PDE4B: variants seen among roughly 807,000 people sequenced by gnomAD.
The protein encoded by PDE4B is phosphodiesterase 4B.
Under a neutral mutation model 82.2 loss-of-function variants are expected in PDE4B, and 20 were observed. The ratio of observed to expected loss-of-function variants is 0.24; its 90% CI spans 0.17 to 0.35. PDE4B has a LOEUF of 0.35. Ranked by LOEUF, PDE4B falls within the 10% of genes least tolerant of loss-of-function variation. The probability of loss-of-function intolerance (pLI) is 1.00; values close to 1 mark genes in which losing one functional copy is unlikely to be tolerated. For synonymous variants in PDE4B, 320 were observed against 318.9 expected (o/e 1.00, Z -0.04); for missense variants, 655 against 907.2 (o/e 0.72, Z 3.57).
chr1:66,294,842 C>T (rs944794236), intron 7 of PDE4B, among the ~76,000 whole-genome samples: 1 of 151,974 alleles, frequency 6.6e-6, no homozygotes, highest in Non-Finnish European at 1.5e-5. Flanking sequence ...GAAAATCTCT[C>T]AGTAAAAGAA....
intron 1 of PDE4B, among the ~76,000 whole-genome samples, chr1:65,897,198 A>G (rs1646920168): frequency 6.6e-6 from 1 of 152,136 alleles, no homozygotes; most frequent in Non-Finnish European, 1.5e-5. Context: ...CACAGTTACT[A>G]TGGACAGAAT....
At chr1:65,947,781 T>G (rs963119612) in intron 3 of PDE4B, among the ~76,000 whole-genome samples, 1 of 151,872 alleles carries the variant, frequency 6.6e-6, no homozygotes, top group Admixed American at 6.6e-5. Flanking sequence ...GAATCCTCCT[T>G]CTAAGACTTT....
At chr1:65,917,209 C>A (rs774817708) in intron 2 of PDE4B, among the ~76,000 whole-genome samples, 3 of 152,108 alleles carry the variant, frequency 2.0e-5, no homozygotes, top group Non-Finnish European at 4.4e-5. Flanking sequence ...TTGAATTAAC[C>A]CAGCTAGATC....
intron 3 of PDE4B, among the ~76,000 whole-genome samples, chr1:66,189,576 ATT>A (rs1268157095): frequency 6.6e-6 from 1 of 151,834 alleles, no homozygotes; most frequent in East Asian, 1.9e-4. Flanking sequence ...GCTTCATTTC[ATT>A]CATTTGATCT....
At chr1:65,863,516 AG>A (rs1646477819) in intron 1 of PDE4B, among the ~76,000 whole-genome samples, 1 of 152,204 alleles carries the variant, frequency 6.6e-6, no homozygotes, top group Non-Finnish European at 1.5e-5. Context: ...GATGTGTATT[AG>A]ATATGCTTCT....
chr1:66,027,766 A>AT (rs1222474041), intron 3 of PDE4B, among the ~76,000 whole-genome samples: 1 of 152,188 alleles, frequency 6.6e-6, no homozygotes, highest in African/African-American at 2.4e-5. Context: ...GGGCAGTCAA[A>AT]TTTTAAAGCT....
At chr1:66,176,340 T>G (rs934614024) in intron 3 of PDE4B, among the ~76,000 whole-genome samples, 9 of 152,242 alleles carry the variant, frequency 5.9e-5, no homozygotes, top group Non-Finnish European at 1.0e-4. Flanking sequence ...GCCTAAAATC[T>G]GCAGGTCCAT....
intron 3 of PDE4B, among the ~76,000 whole-genome samples, chr1:66,124,963 C>A (rs1402342655): frequency 6.6e-6 from 1 of 150,466 alleles, no homozygotes; most frequent in Non-Finnish European, 1.5e-5. Context: ...GGAATGGCAG[C>A]CTGTCCAGGG....
At chr1:65,978,968 C>G (rs1650550656) in intron 3 of PDE4B, among the ~76,000 whole-genome samples, 1 of 152,142 alleles carries the variant, frequency 6.6e-6, no homozygotes, top group Admixed American at 6.5e-5. Context: ...TTTTGGCCGT[C>G]CAACTCATTT....
In PDE4B at chr1:65,937,451, C is replaced by T. The variant is rs139863228; in HGVS notation, c.281+18616C>T. On this transcript the variant is annotated intron_variant, in intron 3 of 16. Transcript: ENST00000341517. Reference sequence around the variant, plus strand: ...AAAATATTTTATACTTTTGTGCTGCCTCTCAGCTGCAGATCCTAAAGCCCT... The same window carrying T: ...AAAATATTTTATACTTTTGTGCTGCTTCTCAGCTGCAGATCCTAAAGCCCT... 4.7e-3 allele frequency among the ~76,000 whole-genome samples: 709 copies of T among 152,292 alleles called. 3 individuals are homozygous for T. The highest frequency in any genetic ancestry group is 0.016 in the African/African-American group (673 of 41,550).
chr1:66,043,414 C>T (rs1018352007), intron 3 of PDE4B, among the ~76,000 whole-genome samples: 2 of 151,714 alleles, frequency 1.3e-5, no homozygotes, highest in African/African-American at 4.8e-5. Context: ...AACAGAAGTC[C>T]TCTTTTAAAG....
chr1:66,013,543 AGTGTTAC>A lies in PDE4B; in HGVS notation c.281+94711_281+94717del, dbSNP rs564320017. ...GCTATTTCTAGGTGTACAGTTCAGT[AGTGTTAC>A]GTAATTCACATTCTTGTGCAACCAG... is the stretch of plus-strand genomic sequence containing the variant. On this transcript the variant is annotated intron_variant, in intron 3 of 16. Coordinates refer to ENST00000341517, the MANE Select transcript of PDE4B (RefSeq NM_002600.4). Among the ~76,000 whole-genome samples the A allele has an allele frequency of 1.1e-4, 17 of 152,230 alleles. No homozygotes were observed. The South Asian group carries it at 3.5e-3, about 32-fold the overall frequency.
At chr1:66,047,661 A>C (rs1654790031) in intron 3 of PDE4B, among the ~76,000 whole-genome samples, 1 of 151,904 alleles carries the variant, frequency 6.6e-6, no homozygotes, top group Non-Finnish European at 1.5e-5. Flanking sequence ...CATAACTCCA[A>C]GGCTATATGG....
intron 3 of PDE4B, among the ~76,000 whole-genome samples, chr1:66,247,089 C>T (rs535282801): frequency 7.2e-4 from 109 of 152,230 alleles, no homozygotes; most frequent in South Asian, 8.3e-4. Context: ...GTGCTGAATG[C>T]CCCCTCTAAA....
intron 3 of PDE4B, among the ~76,000 whole-genome samples, chr1:66,089,205 G>T (rs1284943910): frequency 6.6e-6 from 1 of 152,012 alleles, no homozygotes; most frequent in Non-Finnish European, 1.5e-5. Flanking sequence ...TACTGAATTT[G>T]CCAAAACTCT....
At chr1:66,371,112 A>ATATG (rs1417397617) in intron 16 of PDE4B, among the ~76,000 whole-genome samples, 1 of 133,144 alleles carries the variant, frequency 7.5e-6, no homozygotes, top group Non-Finnish European at 1.6e-5. Flanking sequence ...ATATATATAT[A>ATATG]TATATATATA....
intron 3 of PDE4B, among the ~76,000 whole-genome samples, chr1:66,207,875 G>C (rs751105040): frequency 6.6e-6 from 1 of 152,158 alleles, no homozygotes; most frequent in Admixed American, 6.6e-5. Flanking sequence ...TAAGTCTTCA[G>C]AATTGCAGAA....
chr1:66,247,644 C>A lies in PDE4B; in HGVS notation c.466C>A (p.Pro156Thr). Reference sequence around the variant, plus strand: ...GGCGATGTCGAGAAACTCTTCTCTTCCAAGCGAGCAGTAAGTACAAGCTCT... The same window carrying A: ...GGCGATGTCGAGAAACTCTTCTCTTACAAGCGAGCAGTAAGTACAAGCTCT... The part of the protein sequence containing the change: ...PKAMSRNSSL[P>T]SEQHGDDLIV... Residue 156 changes from proline to threonine, a missense_variant, in exon 4 of 17, where the codon CCA (proline) becomes ACA (threonine). Physicochemically the swap from Pro to Thr is conservative, Grantham distance 38. Around this residue, in one of 3 missense-constraint regions of PDE4B, gnomAD observed 253 missense variants for 275.6 expected, o/e 0.92. Coordinates refer to ENST00000341517, the MANE Select transcript of PDE4B (RefSeq NM_002600.4). 6.3e-7 allele frequency: 1 copy of A among 1,587,110 alleles called. No individual in the cohort carries two copies.
intron 1 of PDE4B, among the ~76,000 whole-genome samples, chr1:65,907,451 A>ATTCG (rs1293211550): frequency 6.6e-6 from 1 of 152,110 alleles, no homozygotes; most frequent in Non-Finnish European, 1.5e-5. Flanking sequence ...AGGAAACCGA[A>ATTCG]GTCCCAGAGC....
Sources: allele counts gnomAD v4.1 joint callset (sites outside exome capture counted in the v4.1 genomes callset), GRCh38; gene constraint gnomAD v4.1.1; regional missense constraint gnomAD v4.1.1; transcripts MANE v1.5; gene names NCBI Gene and HGNC (gene_info 2026-07-23, HGNC 2026-07-21).